Variants in ARHGAP29 observed in about 807,000 individuals in gnomAD.
ARHGAP29 encodes Rho GTPase activating protein 29, also known as rho GTPase-activating protein 29.
A neutral mutation model predicts 122.6 loss-of-function variants in ARHGAP29; 43 were observed. The observed-to-expected ratio is 0.35, with a 90% CI of 0.27 to 0.45. ARHGAP29 has a LOEUF of 0.45. Ranked by LOEUF, ARHGAP29 falls within the 20% of genes least tolerant of loss-of-function variation. ARHGAP29 has a pLI of 1.00. For synonymous variants in ARHGAP29, 506 were observed against 497.1 expected, an observed-to-expected ratio of 1.02 and a Z score of -0.24; for missense variants, 1,303 against 1,477.2, an observed-to-expected ratio of 0.88 and a Z score of 1.93.
intron 2 of ARHGAP29, among the ~76,000 whole-genome samples, chr1:94,220,855 G>C (rs1286098296): frequency 6.9e-6 from 1 of 145,922 alleles, no homozygotes; most frequent in East Asian, 1.9e-4. Context: ...GAGTTTTTGT[G>C]CTTTTTAGAA....
chr1:94,223,597 A>G (rs1433231073), intron 2 of ARHGAP29, among the ~76,000 whole-genome samples: 1 of 152,140 alleles, frequency 6.6e-6, no homozygotes, highest in East Asian at 1.9e-4. Context: ...AAAAAAAACT[A>G]TATATACATA....
chr1:94,178,773 T>A (rs1649269151), intron 20 of ARHGAP29, among the ~76,000 whole-genome samples: 1 of 152,232 alleles, frequency 6.6e-6, no homozygotes, highest in Admixed American at 6.5e-5. Context: ...GGTCAGCGCA[T>A]GCAAGACTGC....
At chr1:94,221,974 T>TA (rs71588515) in intron 2 of ARHGAP29, among the ~76,000 whole-genome samples, 45,947 of 137,850 alleles carry the variant, frequency 0.33, 7,366 homozygotes, top group South Asian at 0.42. Context: ...GGAAGAACTT[T>TA]AAAAAAAAAA....
chr1:94,218,343 C>G (rs1166558244), intron 3 of ARHGAP29, among the ~76,000 whole-genome samples: 1 of 152,132 alleles, frequency 6.6e-6, no homozygotes, highest in Non-Finnish European at 1.5e-5. Flanking sequence ...AAAACAGTTA[C>G]AATAATCCCA....
intron 19 of ARHGAP29, 127 bp from the exon 20 acceptor site, chr1:94,180,084 T>C (rs1649363284): frequency 1.5e-6 from 1 of 645,420 alleles, no homozygotes; most frequent in Non-Finnish European, 2.6e-6. Context: ...TCAATCCACA[T>C]TTAGTAATGT....
rs537223254 is a variant in ARHGAP29, at chr1:94,171,103, T to C, written c.*2766A>G. ...TAAGTTATTTAACAATATACAATGG[T>C]TGTCATTTAGAGAGATGTTTCCAGT... On this transcript the variant is annotated 3_prime_UTR_variant, in exon 23 of 23. Transcript: ENST00000260526. Among the ~76,000 whole-genome samples the C allele has an allele frequency of 6.6e-6, 1 of 152,282 alleles. No individual in the cohort carries two copies. Among genetic ancestry groups the C allele is most frequent in the South Asian group, 2.1e-4 (1 of 4,814 alleles).
chr1:94,195,189 A>G (rs1470080851), intron 12 of ARHGAP29: 1 of 152,098 alleles, frequency 6.6e-6, no homozygotes, highest in Non-Finnish European at 1.5e-5. Context: ...CTACCAAACA[A>G]AATCTCAGTT....
At chr1:94,233,497 T>C (rs1022404713) in intron 1 of ARHGAP29, among the ~76,000 whole-genome samples, 3 of 152,172 alleles carry the variant, frequency 2.0e-5, no homozygotes, top group African/African-American at 7.2e-5. Context: ...ATCACAAATG[T>C]AGTGAGTGAA....
chr1:94,218,950 G>T (rs552444279), intron 3 of ARHGAP29, among the ~76,000 whole-genome samples: 20 of 152,166 alleles, frequency 1.3e-4, no homozygotes, highest in African/African-American at 4.8e-4. Flanking sequence ...CAGAGTTCTT[G>T]TATTACAGCC....
chr1:94,229,894 T>C (rs1019051535), intron 2 of ARHGAP29, among the ~76,000 whole-genome samples: 2 of 151,616 alleles, frequency 1.3e-5, no homozygotes, highest in Non-Finnish European at 3.0e-5. Context: ...AGGATAATTA[T>C]GTAAAATGAA....
intron 1 of ARHGAP29, chr1:94,247,951 CG>C (rs1477947889): frequency 6.6e-6 from 1 of 152,604 alleles, no homozygotes; most frequent in East Asian, 1.9e-4. Flanking sequence ...TGCAGCAGGG[CG>C]GGCAGAGCGA....
chr1:94,182,891 A>C (rs1268739237), intron 19 of ARHGAP29, among the ~76,000 whole-genome samples: 4 of 152,218 alleles, frequency 2.6e-5, no homozygotes, highest in African/African-American at 7.2e-5. Context: ...AAAGAGGAGA[A>C]GGTGGAAAAG....
intron 1 of ARHGAP29, among the ~76,000 whole-genome samples, chr1:94,251,630 C>A (rs1478941836): frequency 6.6e-6 from 1 of 152,162 alleles, no homozygotes; most frequent in Non-Finnish European, 1.5e-5. Flanking sequence ...TCCCCAGGTA[C>A]CCCAAAGTCC....
intron 1 of ARHGAP29, among the ~76,000 whole-genome samples, chr1:94,235,884 C>T (rs1358243346): frequency 3.3e-5 from 5 of 152,150 alleles, no homozygotes; most frequent in Admixed American, 2.0e-4. Flanking sequence ...ATGTCCGCTG[C>T]CCCACGCATG....
Position 94,190,153 on chromosome 1 carries a change from T to G in ARHGAP29, c.1282-70A>C, listed in dbSNP as rs548819052. The G allele has an allele frequency of 1.2e-4, 182 of 1,490,718 alleles. No homozygotes were observed. The African/African-American group carries it at 2.1e-3, about 18-fold the overall frequency. 92.3% of individuals were successfully genotyped at this position (1,490,718 alleles called of 1,614,324 possible). ...AATGCTATATAAACATACATTTATT[T>G]CAATGACTGCACCAATAAAAATGCC... On this transcript the variant is annotated intron_variant, in intron 12 of 22. Coordinates refer to ENST00000260526, the MANE Select transcript of ARHGAP29 (RefSeq NM_004815.4).
chr1:94,307,162 G>A, the ARHGAP29 span, among the ~76,000 whole-genome samples: 3 of 152,032 alleles, frequency 2.0e-5, no homozygotes, highest in Non-Finnish European at 4.4e-5. Flanking sequence ...CGATCCCAGT[G>A]TAAGACCAAC....
At chr1:94,304,366 CTGGG>C in the ARHGAP29 span, among the ~76,000 whole-genome samples, 1 of 152,142 alleles carries the variant, frequency 6.6e-6, no homozygotes, top group African/African-American at 2.4e-5. Context: ...TCTTGAACTC[CTGGG>C]CTCAAGAAAT....
upstream of ARHGAP29, among the ~76,000 whole-genome samples, chr1:94,240,582 A>G (rs1653536760): frequency 6.6e-6 from 1 of 152,228 alleles, no homozygotes. Flanking sequence ...TATATCTACC[A>G]TAGCAGTCCA....
chr1:94,271,996 A>G (rs2100734003), intron 1 of ARHGAP29, among the ~76,000 whole-genome samples: 1 of 152,236 alleles, frequency 6.6e-6, no homozygotes, highest in East Asian at 1.9e-4. Context: ...CTTTTAGACA[A>G]TGGGGGCAGG....
Sources: allele counts gnomAD v4.1 joint callset (sites outside exome capture counted in the v4.1 genomes callset), GRCh38; gene constraint gnomAD v4.1.1; transcripts MANE v1.5; gene names NCBI Gene and HGNC (gene_info 2026-07-23, HGNC 2026-07-21).